The following COL25A1 variants were observed in gnomAD, a reference collection of about 807,000 sequenced individuals.
The protein encoded by COL25A1 is collagen type XXV alpha 1 chain.
In COL25A1, 103 loss-of-function variants were observed where a neutral mutation model predicts 128.4. That is an observed-to-expected ratio of 0.80 (90% CI 0.68 to 0.94). The LOEUF (loss-of-function observed/expected upper bound fraction) is 0.94, where lower values mean the gene tolerates loss of function less well. Ranked by LOEUF, COL25A1 falls within the 40% of genes least tolerant of loss-of-function variation. The pLI, the probability that COL25A1 is intolerant of heterozygous loss-of-function variation, is 0.00. For synonymous variants in COL25A1, 279 were observed against 277.2 expected (o/e 1.01, Z -0.06); for missense variants, 745 against 840.0 (o/e 0.89, Z 1.40).
chr4:108,915,360 T>A lies in COL25A1; in HGVS notation c.780+2812A>T, dbSNP rs1744746542. 2.0e-5 allele frequency among the ~76,000 whole-genome samples: 3 copies of A among 152,284 alleles called. No individual in the cohort carries two copies. The South Asian group carries it at 6.2e-4, about 32-fold the overall frequency. On this transcript the variant is annotated intron_variant, in intron 13 of 37. Transcript: ENST00000399132. ...TTTGTCTTCTTTTTCTCTTTCTCTC[T>A]CTCTCCCTTTCTTTTTTATAAATAG...
chr4:109,289,412 T>A (rs551149904), intron 3 of COL25A1, among the ~76,000 whole-genome samples: 5 of 152,290 alleles, frequency 3.3e-5, no homozygotes, highest in African/African-American at 9.6e-5. Context: ...TACATCTGTA[T>A]GAAACTCATA....
rs17040308 is a variant in COL25A1 at position 109,299,355 on chromosome 4, T to C, written c.367+1228A>G. 3.0e-3 allele frequency among the ~76,000 whole-genome samples: 462 copies of C among 152,352 alleles called. 2 individuals are homozygous for C. The highest frequency in any genetic ancestry group is 0.01 in the African/African-American group (435 of 41,588). ...ACAACTAAGAATGAGACCTACACTG[T>C]CAAAGGTTAACTCTGTTTTTCTGGT... On this transcript the variant is annotated intron_variant, in intron 3 of 37. Transcript: ENST00000399132.
chr4:109,054,594 A>G (rs1761292801), intron 3 of COL25A1, among the ~76,000 whole-genome samples: 1 of 152,252 alleles, frequency 6.6e-6, no homozygotes, highest in South Asian at 2.1e-4. Flanking sequence ...GCTGAAACTT[A>G]GAAGTTTCAT....
intron 31 of COL25A1, among the ~76,000 whole-genome samples, chr4:108,839,523 G>A (rs1734178587): frequency 6.6e-6 from 1 of 152,174 alleles, no homozygotes; most frequent in Non-Finnish European, 1.5e-5. Flanking sequence ...TGAGATCCGT[G>A]GCTTTGCATG....
chr4:108,898,466 T>C (rs1742411859), intron 15 of COL25A1, among the ~76,000 whole-genome samples: 1 of 152,166 alleles, frequency 6.6e-6, no homozygotes, highest in Non-Finnish European at 1.5e-5. Context: ...TTAAAATAAG[T>C]AGCATGAGAA....
chr4:109,266,996 A>C (rs1781840646), intron 3 of COL25A1, among the ~76,000 whole-genome samples: 1 of 152,352 alleles, frequency 6.6e-6, no homozygotes, highest in Middle Eastern at 3.4e-3. Context: ...AAGCACTCAG[A>C]AAATCAACCA....
chr4:109,216,612 C>T (rs1365063123), intron 3 of COL25A1, among the ~76,000 whole-genome samples: 1 of 152,084 alleles, frequency 6.6e-6, no homozygotes, highest in Non-Finnish European at 1.5e-5. Flanking sequence ...GATTGGAGCT[C>T]TTCTGCCACA....
At chr4:108,901,274 A>G (rs1742823035) in intron 13 of COL25A1, 102 bp from the exon 14 acceptor site, 2 of 826,554 alleles carry the variant, frequency 2.4e-6, no homozygotes, top group Non-Finnish European at 4.0e-6. Context: ...CTAGAAATAG[A>G]TAAAGAATAA....
intron 3 of COL25A1, among the ~76,000 whole-genome samples, chr4:109,082,565 T>A (rs1400253424): frequency 6.6e-6 from 1 of 152,244 alleles, no homozygotes; most frequent in African/African-American, 2.4e-5. Context: ...AGCATCTTTT[T>A]AAATGCTTAT....
chr4:109,285,677 G>T (rs1029694915), intron 3 of COL25A1, among the ~76,000 whole-genome samples: 1 of 152,094 alleles, frequency 6.6e-6, no homozygotes. Flanking sequence ...TAAACACAGT[G>T]ATTATTAAAA....
intron 6 of COL25A1, among the ~76,000 whole-genome samples, chr4:108,975,981 G>A (rs572900742): frequency 6.6e-6 from 1 of 152,150 alleles, no homozygotes; most frequent in Admixed American, 6.5e-5. Flanking sequence ...CTGCAAATAT[G>A]TTTTCCCACT....
At chr4:108,900,925 T>C (rs1742764509) in intron 14 of COL25A1, among the ~76,000 whole-genome samples, 194 bp downstream of exon 14, 1 of 152,160 alleles carries the variant, frequency 6.6e-6, no homozygotes, top group Non-Finnish European at 1.5e-5. Context: ...TTTTCTGCAT[T>C]TAATACTAAT....
At position 109,165,675 on chromosome 4, in the gene COL25A1, C is replaced by A. The variant is rs527457406; in HGVS notation, c.368-115496G>T. ...GAGGCTGCAGTGAGCTATGATCATGCCACTGCACTCCAGCCTGAGTGACAG... is the reference window on the plus strand; with the variant it reads ...GAGGCTGCAGTGAGCTATGATCATGACACTGCACTCCAGCCTGAGTGACAG... On this transcript the variant is annotated intron_variant, in intron 3 of 37. Coordinates refer to ENST00000399132, the MANE Select transcript of COL25A1 (RefSeq NM_198721.4). Among the ~76,000 whole-genome samples, 30 of 152,214 alleles carry A rather than the reference C, an allele frequency of 2.0e-4. No individual in the cohort carries two copies. In the South Asian group the frequency reaches 6.2e-3, roughly 32 times the overall value.
At chr4:109,215,229 C>A (rs964634393) in intron 3 of COL25A1, among the ~76,000 whole-genome samples, 1 of 152,112 alleles carries the variant, frequency 6.6e-6, no homozygotes, top group African/African-American at 2.4e-5. Flanking sequence ...TTGTCCTTCA[C>A]AAAATGAAGA....
chr4:109,209,795 G>A (rs1229339767), intron 3 of COL25A1, among the ~76,000 whole-genome samples: 1 of 152,108 alleles, frequency 6.6e-6, no homozygotes, highest in Non-Finnish European at 1.5e-5. Flanking sequence ...GCTCACGACT[G>A]TAATCTCAGC....
intron 8 of COL25A1, among the ~76,000 whole-genome samples, chr4:108,955,187 C>T (rs1485272318): frequency 3.9e-5 from 6 of 151,972 alleles, no homozygotes; most frequent in African/African-American, 7.2e-5. Flanking sequence ...CTGGGTGATA[C>T]GGGATTTTAG....
intron 3 of COL25A1, among the ~76,000 whole-genome samples, chr4:109,155,618 T>A (rs1479756473): frequency 6.6e-6 from 1 of 152,236 alleles, no homozygotes; most frequent in Non-Finnish European, 1.5e-5. Flanking sequence ...GAATGAATCT[T>A]AGATCATATC....
intron 3 of COL25A1, among the ~76,000 whole-genome samples, chr4:109,216,958 T>C (rs148648020): frequency 1.8e-4 from 27 of 152,220 alleles, no homozygotes; most frequent in African/African-American, 5.3e-4. Context: ...AATGAATAAA[T>C]GAAAGATGCA....
rs1343252002 is a variant in COL25A1 at position 108,810,451 on chromosome 4, A to G, written c.*3476T>C. 1 of 151,988 alleles carries G rather than the reference A, an allele frequency of 6.6e-6. No homozygotes were observed. The highest frequency in any genetic ancestry group is 1.5e-5 in the Non-Finnish European group (1 of 67,854). 9.4% of individuals were successfully genotyped at this position (151,988 alleles called of 1,614,324 possible). A position where few individuals can be genotyped will look rare whatever the true frequency, so the allele number is the denominator to read the frequency against. ...ACCTTTCTTCTGGTAGGAATTAAAGATATTCTAATGTCCTCTATAAAATCA... is the reference window on the plus strand; with the variant it reads ...ACCTTTCTTCTGGTAGGAATTAAAGGTATTCTAATGTCCTCTATAAAATCA... On this transcript the variant is annotated 3_prime_UTR_variant, in exon 38 of 38. Transcript: ENST00000399132.
Sources: gnomAD v4.1 joint callset for allele counts (sites outside exome capture counted in the v4.1 genomes callset) on GRCh38, gnomAD v4.1.1 for gene constraint, MANE v1.5 for transcripts, NCBI Gene and HGNC (gene_info 2026-07-23, HGNC 2026-07-21) for gene names.